C2CD3: variants seen among roughly 807,000 people sequenced by gnomAD.
C2CD3 encodes the protein C2 domain containing 3 centriole elongation regulator.
A neutral mutation model predicts 234.0 loss-of-function variants in C2CD3; 148 were observed. The ratio of observed to expected loss-of-function variants is 0.63; its 90% CI spans 0.55 to 0.72. C2CD3 has a LOEUF of 0.72. Ranked by LOEUF, C2CD3 falls within the 30% of genes least tolerant of loss-of-function variation. C2CD3 has a pLI of 0.00. For synonymous variants in C2CD3, 1,000 were observed against 1,035.4 expected, an observed-to-expected ratio of 0.97 and a Z score of 0.66; for missense variants, 2,577 against 2,811.5, an observed-to-expected ratio of 0.92 and a Z score of 1.89.
At chr11:74,082,744 G>A (rs1955447439) in intron 22 of C2CD3, among the ~76,000 whole-genome samples, 2 of 152,066 alleles carry the variant, frequency 1.3e-5, no homozygotes, top group Admixed American at 6.6e-5. Flanking sequence ...GGGACATGAA[G>A]GACCTCTTCA....
At chr11:74,099,879 G>C (rs1956248691) in intron 15 of C2CD3, among the ~76,000 whole-genome samples, 1 of 146,684 alleles carries the variant, frequency 6.8e-6, no homozygotes, top group Non-Finnish European at 1.5e-5. Context: ...CTGGGCAACA[G>C]AGTGAGACTC....
chr11:74,061,591 C>T (rs1095420), intron 24 of C2CD3, among the ~76,000 whole-genome samples: 6,991 of 152,220 alleles, frequency 0.046, 465 homozygotes, highest in African/African-American at 0.15. Context: ...TTTCTCACCA[C>T]CAGGCCTGCC....
chr11:74,086,116 C>T (rs1020490511), intron 20 of C2CD3, among the ~76,000 whole-genome samples: 6 of 152,162 alleles, frequency 3.9e-5, no homozygotes, highest in Non-Finnish European at 8.8e-5. Context: ...CAGAGTGACT[C>T]TGAGGATGAC....
At position 74,100,690 on chromosome 11, in the gene C2CD3, A is replaced by C; in HGVS notation, c.2581-14T>G. 1 of 1,587,058 alleles carries C rather than the reference A, an allele frequency of 6.3e-7. No homozygotes were observed. Among genetic ancestry groups the C allele is most frequent in the Non-Finnish European group, 8.5e-7 (1 of 1,171,846 alleles). On this transcript the variant is annotated splice_polypyrimidine_tract_variant and intron_variant, in intron 14 of 32. Coordinates refer to ENST00000334126, the MANE Select transcript of C2CD3 (RefSeq NM_001286577.2). Reference sequence around the variant, plus strand: ...GACAGGAATCACCTAAGAGAGAGGAACAACCAAAACAAACAAAAAACTCAT... The same window carrying C: ...GACAGGAATCACCTAAGAGAGAGGACCAACCAAAACAAACAAAAAACTCAT...
chr11:74,143,327 T>A (rs1344280116), intron 3 of C2CD3, among the ~76,000 whole-genome samples: 5 of 152,062 alleles, frequency 3.3e-5, no homozygotes, highest in African/African-American at 7.2e-5. Flanking sequence ...CAGCATTTTT[T>A]AAAAAGTCAA....
intron 3 of C2CD3, among the ~76,000 whole-genome samples, chr11:74,143,641 T>C (rs1854962815): frequency 6.6e-6 from 1 of 151,046 alleles, no homozygotes; most frequent in Non-Finnish European, 1.5e-5. Context: ...CCACCTCAGC[T>C]TCCTGAGTAG....
At chr11:74,120,248 G>A (rs1282314354) in intron 8 of C2CD3, among the ~76,000 whole-genome samples, 1 of 151,902 alleles carries the variant, frequency 6.6e-6, no homozygotes, top group Non-Finnish European at 1.5e-5. Flanking sequence ...ATTTACATTA[G>A]GTATTCCTCC....
At chr11:74,023,273 G>A (rs1301871163) in intron 32 of C2CD3, among the ~76,000 whole-genome samples, 3 of 152,260 alleles carry the variant, frequency 2.0e-5, no homozygotes, top group African/African-American at 7.2e-5. Flanking sequence ...CCCTGACCCG[G>A]AAGCAGATCA....
intron 2 of C2CD3, among the ~76,000 whole-genome samples, chr11:74,167,061 T>C (rs753602827): frequency 1.7e-4 from 26 of 152,290 alleles, no homozygotes; most frequent in Non-Finnish European, 3.5e-4. Context: ...AGGGCAACTA[T>C]ATGATCCCAT....
At chr11:74,028,830 T>C (rs1484061815) in intron 31 of C2CD3, among the ~76,000 whole-genome samples, 1 of 152,234 alleles carries the variant, frequency 6.6e-6, no homozygotes, top group Non-Finnish European at 1.5e-5. Context: ...AGGCGTTGAA[T>C]GATTCTTGCC....
chr11:74,081,788 G>T (rs1046936975), intron 22 of C2CD3, among the ~76,000 whole-genome samples: 1 of 152,128 alleles, frequency 6.6e-6, no homozygotes, highest in Non-Finnish European at 1.5e-5. Flanking sequence ...CTGTTTGTCT[G>T]CTATTGGTGT....
rs1216471289 is a variant in C2CD3, at chr11:74,100,647, G to A, written c.2610C>T (p.Tyr870=). ...TCACATTGTTCTTAAGCCTTTCCAGGTATTTGGAAGACAGAGAGACAGGAA... is the reference window on the plus strand; with the variant it reads ...TCACATTGTTCTTAAGCCTTTCCAGATATTTGGAAGACAGAGAGACAGGAA... ...QVIPVSLSSK[Y]LERLKNNVMV... The change falls in exon 15 of 33, where the codon TAC becomes TAT. Residue 870 remains tyrosine, a synonymous_variant. Coordinates refer to ENST00000334126, the MANE Select transcript of C2CD3 (RefSeq NM_001286577.2). 1 of 1,613,684 alleles carries A rather than the reference G, an allele frequency of 6.2e-7. No homozygotes were observed. Among genetic ancestry groups the A allele is most frequent in the Non-Finnish European group, 8.5e-7 (1 of 1,179,828 alleles).
chr11:74,028,157 C>G (rs1952379716), intron 32 of C2CD3, 130 bp downstream of exon 32: 2 of 662,242 alleles, frequency 3.0e-6, no homozygotes, highest in Non-Finnish European at 5.1e-6. Flanking sequence ...ATGCTCAGTA[C>G]AAACTTGAGG....
chr11:74,156,045 G>A (rs1855994159), intron 3 of C2CD3, among the ~76,000 whole-genome samples: 1 of 152,100 alleles, frequency 6.6e-6, no homozygotes, highest in Non-Finnish European at 1.5e-5. Context: ...GGAGGCCGAG[G>A]TGGGCAGATC....
At chr11:74,168,009 A>T in intron 2 of C2CD3, 1 of 225,470 alleles carries the variant, frequency 4.4e-6, no homozygotes, top group East Asian at 1.2e-4. Flanking sequence ...TGACAGACAG[A>T]AGTGGGTTCA....
chr11:74,083,879 G>A (rs750284275), intron 22 of C2CD3, among the ~76,000 whole-genome samples: 1 of 152,214 alleles, frequency 6.6e-6, no homozygotes, highest in Non-Finnish European at 1.5e-5. Flanking sequence ...GTGGAAGACA[G>A]TGTGGCGATT....
chr11:74,043,158 C>T (rs1189213553), intron 28 of C2CD3, among the ~76,000 whole-genome samples: 2 of 152,202 alleles, frequency 1.3e-5, no homozygotes, highest in African/African-American at 4.8e-5. Flanking sequence ...TCTACATTTC[C>T]TGGTCCTAGG....
intron 19 of C2CD3, 70 bp from the exon 20 acceptor site, chr11:74,091,006 T>G: frequency 1.3e-6 from 2 of 1,569,460 alleles, no homozygotes; most frequent in Non-Finnish European, 1.7e-6. Flanking sequence ...CACAAAGTTT[T>G]GGTCAGGAAG....
intron 7 of C2CD3, among the ~76,000 whole-genome samples, chr11:74,124,421 G>C (rs949795704): frequency 3.3e-5 from 5 of 152,100 alleles, no homozygotes; most frequent in African/African-American, 1.2e-4. Flanking sequence ...CTGCTGACAT[G>C]TTGGGTCAGA....
Sources: allele counts gnomAD v4.1 joint callset (sites outside exome capture counted in the v4.1 genomes callset), GRCh38; gene constraint gnomAD v4.1.1; transcripts MANE v1.5; gene names NCBI Gene and HGNC (gene_info 2026-07-23, HGNC 2026-07-21).